The following TECR variants were observed in gnomAD, a reference collection of about 807,000 sequenced individuals.
The protein encoded by TECR is very-long-chain enoyl-CoA reductase.
In TECR, 19 loss-of-function variants were observed where a neutral mutation model predicts 50.6. The observed-to-expected ratio is 0.38, with a 90% CI of 0.26 to 0.55. The LOEUF is 0.55. Among genes scored for constraint, TECR ranks in the 20% least tolerant of loss-of-function variants. The pLI, the probability that TECR is intolerant of heterozygous loss-of-function variation, is 0.79. For synonymous variants in TECR, 168 were observed against 163.5 expected, an observed-to-expected ratio of 1.03 and a Z score of -0.21; for missense variants, 313 against 408.3, an observed-to-expected ratio of 0.77 and a Z score of 2.01.
chr19:14,541,362 C>T (rs1423748097), intron 1 of TECR, among the ~76,000 whole-genome samples: 2 of 152,198 alleles, frequency 1.3e-5, no homozygotes, highest in African/African-American at 4.8e-5. Context: ...TCTCAACCCT[C>T]CTGGCACAGC....
chr19:14,550,744 G>C (rs1007330731), intron 1 of TECR, among the ~76,000 whole-genome samples: 3 of 152,112 alleles, frequency 2.0e-5, no homozygotes, highest in African/African-American at 7.2e-5. Flanking sequence ...ATAGTGGCGT[G>C]ATCTCAGCTC....
chr19:14,562,594 CTGCACTGGGCCAAG>C lies in TECR; in HGVS notation c.66+20_66+33del, dbSNP rs768953400. 2 of 1,614,044 alleles carry C rather than the reference CTGCACTGGGCCAAG, an allele frequency of 1.2e-6. No individual in the cohort carries two copies. Among genetic ancestry groups the C allele is most frequent in the East Asian group, 4.5e-5 (2 of 44,878 alleles). On this transcript the variant is annotated intron_variant, in intron 2 of 12. Transcript: ENST00000215567. ...GGACAAGGTAGGACTGGGGCGTGGG[CTGCACTGGGCCAAG>C]GGCACTGGGCCCGGGACCCCAATCC...
intron 1 of TECR, among the ~76,000 whole-genome samples, chr19:14,537,984 GA>G (rs1369183844): frequency 6.6e-6 from 1 of 152,138 alleles, no homozygotes; most frequent in Non-Finnish European, 1.5e-5. Context: ...GACCTCAGGT[GA>G]TCCGCCCAAC....
intron 11 of TECR, 107 bp downstream of exon 11, chr19:14,565,397 A>G (rs2074047371): frequency 1.0e-5 from 15 of 1,456,446 alleles, no homozygotes; most frequent in Non-Finnish European, 1.4e-5. Flanking sequence ...TGCCGCCTGC[A>G]CTGCGAGCAT....
At chr19:14,541,614 AAGGTCG>A (rs1198620829) in intron 1 of TECR, among the ~76,000 whole-genome samples, 1 of 152,106 alleles carries the variant, frequency 6.6e-6, no homozygotes, top group Non-Finnish European at 1.5e-5. Context: ...CCAAGGCCTG[AAGGTCG>A]AGGTCTTTGG....
intron 1 of TECR, 39 bp downstream of exon 1, chr19:14,529,750 A>AC: frequency 6.2e-7 from 1 of 1,613,756 alleles, no homozygotes. Flanking sequence ...GCCACTGCTG[A>AC]CCCATTCTTT....
rs564062469 is a variant in TECR, at chr19:14,535,097, G to T, written c.15+5386G>T. ...ATTGAGAGTGATGAGCCTTGCCTGG[G>T]TGCAGTGGTTCATGCCTGTAATCCC... On this transcript the variant is annotated intron_variant, in intron 1 of 12. Coordinates refer to ENST00000215567, the MANE Select transcript of TECR (RefSeq NM_138501.6). Among the ~76,000 whole-genome samples the T allele has an allele frequency of 3.9e-5, 6 of 152,254 alleles. No individual in the cohort carries two copies. In the South Asian group the frequency reaches 1.2e-3, roughly 32 times the overall value.
At position 14,564,912 on chromosome 19, in the gene TECR, C is replaced by T. The variant is rs763406485; in HGVS notation, c.563-37C>T. 1.1e-5 allele frequency: 18 copies of T among 1,613,970 alleles called. No homozygotes were observed. In the South Asian group the frequency reaches 1.5e-4, roughly 14 times the overall value. On this transcript the variant is annotated intron_variant, in intron 8 of 12. Coordinates refer to ENST00000215567, the MANE Select transcript of TECR (RefSeq NM_138501.6). ...CCCCACGGTCCCCACCCAGCGGGTCCTCCCCTCATGGGCTCCCCTCCCTGC... is the reference window on the plus strand; with the variant it reads ...CCCCACGGTCCCCACCCAGCGGGTCTTCCCCTCATGGGCTCCCCTCCCTGC...
In TECR at chr19:14,547,153, A is replaced by AT. The variant is rs201182043; in HGVS notation, c.16-15363dup. ...TTAAAGAGCTTATTCATAGCCTCTT[A>AT]TTTTTTTTTAAAGGGATAATGGTAG... is the stretch of plus-strand genomic sequence containing the variant. On this transcript the variant is annotated intron_variant, in intron 1 of 12. Transcript: ENST00000215567. 4.6e-3 allele frequency among the ~76,000 whole-genome samples: 696 copies of AT among 151,550 alleles called. 5 individuals are homozygous for AT. Among genetic ancestry groups the AT allele is most frequent in the African/African-American group, 0.016 (666 of 41,398 alleles).
chr19:14,529,157 C>T, upstream of TECR: 1 of 193,708 alleles, frequency 5.2e-6, no homozygotes. Flanking sequence ...AGCCCGCGAC[C>T]CCAGCCCCTA....
At chr19:14,533,933 A>G (rs1329794762) in intron 1 of TECR, 1 of 152,026 alleles carries the variant, frequency 6.6e-6, no homozygotes, top group African/African-American at 2.4e-5. Context: ...GCCACTGCAG[A>G]TGAGACTCAA....
intron 1 of TECR, among the ~76,000 whole-genome samples, chr19:14,542,756 C>T (rs1293714523): frequency 1.3e-5 from 2 of 151,962 alleles, no homozygotes; most frequent in Non-Finnish European, 2.9e-5. Flanking sequence ...GGGAGCAGAG[C>T]GACTCACCCC....
chr19:14,534,356 C>T (rs554609275), intron 1 of TECR, among the ~76,000 whole-genome samples: 1 of 148,694 alleles, frequency 6.7e-6, no homozygotes, highest in East Asian at 2.0e-4. Flanking sequence ...GATCTCCTGA[C>T]CTTATGATCC....
chr19:14,565,148 G>T (rs749589925), intron 10 of TECR, 25 bp downstream of exon 10: 19 of 1,613,692 alleles, frequency 1.2e-5, no homozygotes, highest in Non-Finnish European at 1.5e-5. Flanking sequence ...GGGGCAGGGG[G>T]ACAGCTGGGC....
At position 14,529,616 on chromosome 19, in the gene TECR, C is replaced by A; in HGVS notation, c.-81C>A. ...CGCGTTTAGTCTATCGCTGCGGTTGCGAGCGCTGTAGGGAGCCTGTGCTGT... is the reference window on the plus strand; with the variant it reads ...CGCGTTTAGTCTATCGCTGCGGTTGAGAGCGCTGTAGGGAGCCTGTGCTGT... On this transcript the variant is annotated 5_prime_UTR_variant, in exon 1 of 13. Transcript: ENST00000215567. The A allele has an allele frequency of 1.2e-6, 2 of 1,604,326 alleles. No individual in the cohort carries two copies. Among genetic ancestry groups the A allele is most frequent in the South Asian group, 1.1e-5 (1 of 90,904 alleles).
intron 1 of TECR, among the ~76,000 whole-genome samples, chr19:14,539,182 G>A (rs2073012675): frequency 7.7e-6 from 1 of 130,350 alleles, no homozygotes; most frequent in African/African-American, 3.0e-5. Context: ...TTTTAGTAGA[G>A]ACGAAGTTTT....
At chr19:14,552,832 G>A (rs1043510423) in intron 1 of TECR, among the ~76,000 whole-genome samples, 4 of 152,050 alleles carry the variant, frequency 2.6e-5, no homozygotes, top group Admixed American at 6.5e-5. Context: ...CACTGCGCCC[G>A]GCCCAGTCTT....
chr19:14,565,371 G>C, intron 11 of TECR, 81 bp downstream of exon 11: 2 of 1,547,122 alleles, frequency 1.3e-6, no homozygotes, highest in Non-Finnish European at 1.8e-6. Flanking sequence ...GGGGCGCCTG[G>C]CTGGGCAGCT....
At chr19:14,540,322 C>T (rs2073054070) in intron 1 of TECR, among the ~76,000 whole-genome samples, 1 of 152,126 alleles carries the variant, frequency 6.6e-6, no homozygotes, top group Non-Finnish European at 1.5e-5. Context: ...CCCTCCTCAG[C>T]CTCCCAAAGT....
Sources: allele counts gnomAD v4.1 joint callset (sites outside exome capture counted in the v4.1 genomes callset), GRCh38; gene constraint gnomAD v4.1.1; transcripts MANE v1.5; gene names NCBI Gene and HGNC (gene_info 2026-07-23, HGNC 2026-07-21).